Variants in ARHGAP24 observed in about 807,000 individuals in gnomAD.
The protein encoded by ARHGAP24 is Rho GTPase activating protein 24, also known as rho GTPase-activating protein 24.
A neutral mutation model predicts 76.4 loss-of-function variants in ARHGAP24; 50 were observed. The ratio of observed to expected loss-of-function variants is 0.65; its 90% CI spans 0.52 to 0.83. The LOEUF is 0.83. Among genes scored for constraint, ARHGAP24 ranks in the 40% least tolerant of loss-of-function variants. ARHGAP24 has a pLI of 0.00. For synonymous variants in ARHGAP24, 345 were observed against 323.3 expected (o/e 1.07, Z -0.72); for missense variants, 930 against 914.2 (o/e 1.02, Z -0.22).
At chr4:85,569,662 T>C (rs1726996795) in intron 1 of ARHGAP24, among the ~76,000 whole-genome samples, 1 of 152,220 alleles carries the variant, frequency 6.6e-6, no homozygotes, top group Admixed American at 6.5e-5. Context: ...GAAAAAACTA[T>C]AGAAAAAACT....
rs541017357 is a variant in ARHGAP24, at chr4:85,899,870, A to G, written c.269-23778A>G. Among the ~76,000 whole-genome samples the G allele has an allele frequency of 2.6e-5, 4 of 152,344 alleles. 1 individual carries two copies. The South Asian group carries it at 8.3e-4, about 32-fold the overall frequency. On this transcript the variant is annotated intron_variant, in intron 3 of 9. Transcript: ENST00000395184. ...TGAAACCAGCCTGGGCAATGTAGGG[A>G]GAGACCTAGTCTCAATAAAAAGTAA... is the stretch of plus-strand genomic sequence containing the variant.
intron 3 of ARHGAP24, among the ~76,000 whole-genome samples, chr4:85,914,766 T>C (rs1735279365): frequency 6.6e-6 from 1 of 152,190 alleles, no homozygotes; most frequent in South Asian, 2.1e-4. Context: ...CATTTGTAAG[T>C]CAACAAACTC....
At chr4:85,507,374 A>G (rs192665707) in intron 1 of ARHGAP24, among the ~76,000 whole-genome samples, 233 of 152,218 alleles carry the variant, frequency 1.5e-3, no homozygotes, top group Non-Finnish European at 2.5e-3. Context: ...GGTGTGCACT[A>G]TTGTTTACCT....
At chr4:85,909,343 A>G (rs1356381623) in intron 3 of ARHGAP24, among the ~76,000 whole-genome samples, 3 of 151,878 alleles carry the variant, frequency 2.0e-5, no homozygotes, top group Non-Finnish European at 2.9e-5. Context: ...GTGTGTAAAC[A>G]TGTTCCTCCC....
At chr4:85,589,798 A>G (rs1246417839) in intron 2 of ARHGAP24, among the ~76,000 whole-genome samples, 1 of 152,220 alleles carries the variant, frequency 6.6e-6, no homozygotes, top group Non-Finnish European at 1.5e-5. Flanking sequence ...CCTATATGTT[A>G]AAGAATTCTT....
chr4:85,749,491 CG>C (rs745821993), intron 3 of ARHGAP24, among the ~76,000 whole-genome samples: 43 of 152,180 alleles, frequency 2.8e-4, no homozygotes, highest in African/African-American at 9.7e-5. Context: ...ACAATCTTGT[CG>C]GATTGTCAAA....
At chr4:85,639,582 T>A (rs765994643) in intron 2 of ARHGAP24, among the ~76,000 whole-genome samples, 10 of 151,128 alleles carry the variant, frequency 6.6e-5, no homozygotes, top group Non-Finnish European at 1.5e-4. Flanking sequence ...CAATGAAGAA[T>A]CAATAACATT....
At chr4:85,709,605 G>A (rs1328904570) in intron 2 of ARHGAP24, among the ~76,000 whole-genome samples, 2 of 151,738 alleles carry the variant, frequency 1.3e-5, no homozygotes, top group Non-Finnish European at 1.5e-5. Context: ...CTTCAATTTA[G>A]CATTTTATTA....
intron 2 of ARHGAP24, among the ~76,000 whole-genome samples, chr4:85,703,901 C>CA (rs34263930): frequency 3.3e-5 from 5 of 152,036 alleles, no homozygotes; most frequent in African/African-American, 9.7e-5. Context: ...ATGCTACCCC[C>CA]AAAAAAATCC....
rs528770240 is a variant in ARHGAP24 at position 85,886,342 on chromosome 4, C to T, written c.269-37306C>T. On this transcript the variant is annotated intron_variant, in intron 3 of 9. Transcript: ENST00000395184. The stretch of plus-strand genomic sequence containing the variant: ...CTGATTTAAGTGCAACAGTAAGCTG[C>T]CCCATGGGTAGAGTATACTTTTCAT... 2.1e-4 allele frequency among the ~76,000 whole-genome samples: 32 copies of T among 152,222 alleles called. No individual in the cohort carries two copies. The South Asian group carries it at 3.5e-3, about 17-fold the overall frequency.
At chr4:85,533,214 T>C (rs1207714007) in intron 1 of ARHGAP24, among the ~76,000 whole-genome samples, 1 of 152,166 alleles carries the variant, frequency 6.6e-6, no homozygotes, top group Non-Finnish European at 1.5e-5. Context: ...TCCTATCAAT[T>C]GAAAAACCTC....
intron 4 of ARHGAP24, among the ~76,000 whole-genome samples, chr4:85,934,364 T>A (rs1037563651): frequency 6.6e-6 from 1 of 152,212 alleles, no homozygotes; most frequent in Non-Finnish European, 1.5e-5. Context: ...CTTCACTTTG[T>A]TTCCTCTGCT....
intron 2 of ARHGAP24, among the ~76,000 whole-genome samples, chr4:85,600,549 A>G (rs774543351): frequency 1.6e-4 from 24 of 152,192 alleles, no homozygotes; most frequent in African/African-American, 4.8e-4. Context: ...AAATTTTTCT[A>G]TGGAATAAAG....
intron 5 of ARHGAP24, among the ~76,000 whole-genome samples, chr4:85,948,129 T>G (rs977164468): frequency 2.6e-5 from 4 of 151,810 alleles, no homozygotes; most frequent in Non-Finnish European, 5.9e-5. Context: ...CATCTCTTAT[T>G]CTTATTACAT....
chr4:85,551,865 G>C (rs1054815603), intron 1 of ARHGAP24, among the ~76,000 whole-genome samples: 3 of 151,966 alleles, frequency 2.0e-5, no homozygotes, highest in African/African-American at 7.3e-5. Flanking sequence ...TGGTGTATTG[G>C]TCATGTCCCT....
At chr4:85,762,386 A>G (rs559804082) in intron 3 of ARHGAP24, among the ~76,000 whole-genome samples, 1 of 152,270 alleles carries the variant, frequency 6.6e-6, no homozygotes, top group East Asian at 1.9e-4. Context: ...AAAGACAGCG[A>G]TTGAAGCAAG....
At chr4:85,806,862 A>G (rs946925770) in intron 3 of ARHGAP24, among the ~76,000 whole-genome samples, 4 of 152,102 alleles carry the variant, frequency 2.6e-5, no homozygotes, top group Admixed American at 2.0e-4. Context: ...TCCCAATTTT[A>G]TTTACATCAG....
chr4:85,717,416 A>G (rs1724775560), intron 2 of ARHGAP24, among the ~76,000 whole-genome samples: 1 of 152,100 alleles, frequency 6.6e-6, no homozygotes, highest in Admixed American at 6.6e-5. Context: ...AGAGTGTGGT[A>G]TCATTAAATC....
At chr4:85,476,323 T>C (rs1004690138) in intron 1 of ARHGAP24, among the ~76,000 whole-genome samples, 4 of 152,066 alleles carry the variant, frequency 2.6e-5, no homozygotes, top group African/African-American at 7.2e-5. Flanking sequence ...CAACCAGTAA[T>C]AGGGAGCCCA....
Sources: allele counts gnomAD v4.1 joint callset (sites outside exome capture counted in the v4.1 genomes callset), GRCh38; gene constraint gnomAD v4.1.1; transcripts MANE v1.5; gene names NCBI Gene and HGNC (gene_info 2026-07-23, HGNC 2026-07-21).